Variants in GPR183 observed in about 807,000 individuals in gnomAD.
The protein encoded by GPR183 is EBV-induced G-protein coupled receptor 2.
In GPR183, 9 loss-of-function variants were observed where a neutral mutation model predicts 19.7. The ratio of observed to expected loss-of-function variants is 0.46; its 90% confidence interval spans 0.28 to 0.80. The LOEUF is 0.80. Ranked by LOEUF, GPR183 falls within the 30% of genes least tolerant of loss-of-function variation. The pLI is 0.13. For synonymous variants in GPR183, 160 were observed against 155.1 expected, an observed-to-expected ratio of 1.03 and a Z score of -0.24; for missense variants, 368 against 446.7, an observed-to-expected ratio of 0.82 and a Z score of 1.59.
chr13:99,305,143 CTAGAA>C (rs2044313818), intron 1 of GPR183, among the ~76,000 whole-genome samples: 1 of 152,162 alleles, frequency 6.6e-6, no homozygotes, highest in Non-Finnish European at 1.5e-5. Flanking sequence ...TGGTGAATAT[CTAGAA>C]TAGGCTTTTA....
intron 1 of GPR183, among the ~76,000 whole-genome samples, chr13:99,302,063 A>G (rs563961913): frequency 6.6e-6 from 1 of 152,346 alleles, no homozygotes; most frequent in East Asian, 1.9e-4. Context: ...AGTCTTCTCT[A>G]GAGTCAGCTT....
At chr13:99,299,462 G>GCGCA (rs1555327776) in intron 1 of GPR183, among the ~76,000 whole-genome samples, 1 of 150,746 alleles carries the variant, frequency 6.6e-6, no homozygotes. Context: ...ACACACACAC[G>GCGCA]CACACACACA....
At chr13:99,296,285 A>C in intron 1 of GPR183, 122 bp from the exon 2 acceptor site, 1 of 670,792 alleles carries the variant, frequency 1.5e-6, no homozygotes, top group Non-Finnish European at 2.2e-6. Flanking sequence ...TTATATATCT[A>C]AGTTTTAAAA....
Position 99,295,671 on chromosome 13 carries a change from C to T in GPR183, c.475G>A (p.Val159Ile). The T allele has an allele frequency of 6.2e-7, 1 of 1,614,164 alleles. No homozygotes were observed. The highest frequency in any genetic ancestry group is 8.5e-7 in the Non-Finnish European group (1 of 1,180,034). ...AGGAGTGGGAGTGTCTGAGCAAATA[C>T]TAGAATCCAGACAAATATGCACACG... ...KGVCIFVWILVFAQTLPLLIN... is the reference protein window; with the variant it reads ...KGVCIFVWILIFAQTLPLLIN... Residue 159 changes from valine (V) to isoleucine (I), a missense_variant, in exon 2 of 2, where the codon GTA becomes ATA. Val to Ile is a conservative substitution (Grantham distance 29). Transcript: ENST00000376414. This position sits in a 1 kb window ranked among gnomAD's most constrained non-coding sequence, Gnocchi z 4.1.
At chr13:99,302,254 G>A (rs2044267424) in intron 1 of GPR183, among the ~76,000 whole-genome samples, 1 of 152,228 alleles carries the variant, frequency 6.6e-6, no homozygotes, top group Non-Finnish European at 1.5e-5. Context: ...TGGCTACTTT[G>A]AGGAAAGGTT....
At chr13:99,306,846 A>G (rs1260059515) in intron 1 of GPR183, among the ~76,000 whole-genome samples, 1 of 152,166 alleles carries the variant, frequency 6.6e-6, no homozygotes, top group Non-Finnish European at 1.5e-5. Flanking sequence ...TGTAGACCAA[A>G]AAGTACCGTT....
chr13:99,298,359 GA>G (rs1478739856), intron 1 of GPR183, among the ~76,000 whole-genome samples: 2 of 152,074 alleles, frequency 1.3e-5, no homozygotes, highest in Non-Finnish European at 2.9e-5. Context: ...AAAGATAAAG[GA>G]TAAGTTTGGA....
rs766105400 is a variant in GPR183, at chr13:99,295,293, A to C, written c.853T>G (p.Ser285Ala). The stretch of plus-strand genomic sequence containing the variant: ...GTAAAGTGCAGAGAAATCTGGAACG[A>C]ATGTCTTTGGCTACATTCCAGGAAA... Reference protein sequence around the residue: ...SNFLECSQRHSFQISLHFTVC... With the variant: ...SNFLECSQRHAFQISLHFTVC... Residue 285 changes from serine to alanine, a missense_variant, in exon 2 of 2, where the codon TCG becomes GCG. Coordinates refer to ENST00000376414, the MANE Select transcript of GPR183 (RefSeq NM_004951.5). This position sits in a 1 kb window ranked among gnomAD's most constrained non-coding sequence, Gnocchi z 4.1. 7.4e-6 allele frequency: 12 copies of C among 1,614,076 alleles called. No individual in the cohort carries two copies. Among genetic ancestry groups the C allele is most frequent in the African/African-American group, 2.7e-5 (2 of 74,946 alleles).
chr13:99,296,256 A>G, intron 1 of GPR183, 93 bp from the exon 2 acceptor site: 1 of 1,028,222 alleles, frequency 9.7e-7, no homozygotes. Context: ...TAATGTATCA[A>G]AGCAATCCAA....
At position 99,295,172 on chromosome 13, in the gene GPR183, C is replaced by T. The variant is rs1566489287; in HGVS notation, c.974G>A (p.Arg325Gln). ...ACTAGAAATCGATACACTGACTTGC[C>T]GTTTCAGCATCCTCATAACCTTTCT... ...YKRKVMRMLK[R>Q]QVSVSISSAV... is the part of the protein sequence containing the mutation. Residue 325 changes from arginine to glutamine, a missense_variant, in exon 2 of 2, where the codon CGG becomes CAG. Transcript: ENST00000376414. This position sits in a 1 kb window ranked among gnomAD's most constrained non-coding sequence, Gnocchi z 4.1. 2.5e-6 allele frequency: 4 copies of T among 1,614,110 alleles called. No homozygotes were observed. Among genetic ancestry groups the T allele is most frequent in the East Asian group, 2.2e-5 (1 of 44,868 alleles).
At position 99,295,850 on chromosome 13, in the gene GPR183, A is replaced by T. The variant is rs1444915938; in HGVS notation, c.296T>A (p.Ile99Asn). The T allele has an allele frequency of 1.2e-6, 2 of 1,606,044 alleles. No homozygotes were observed. Among genetic ancestry groups the T allele is most frequent in the Non-Finnish European group, 8.5e-7 (1 of 1,174,696 alleles). ...AGTTATCCTACACAAGGCATCTCCG[A>T]TTCTCCAGTCAAAGCCCATTGCATA... ...AYYAMGFDWR[I>N]GDALCRITAL... Residue 99 changes from isoleucine (I) to asparagine (N), a missense_variant, in exon 2 of 2, where the codon ATC becomes AAC. Coordinates refer to ENST00000376414, the MANE Select transcript of GPR183 (RefSeq NM_004951.5). This position sits in a 1 kb window ranked among gnomAD's most constrained non-coding sequence, Gnocchi z 4.1.
In GPR183 at chr13:99,295,145, G is replaced by C; in HGVS notation, c.1001C>G (p.Ala334Gly). Reference sequence around the variant, plus strand: ...ATTTTCTTCAGGGGCTGACTTCACAGCACTAGAAATCGATACACTGACTTG... The same window carrying C: ...ATTTTCTTCAGGGGCTGACTTCACACCACTAGAAATCGATACACTGACTTG... ...KRQVSVSISS[A>G]VKSAPEENSR... Residue 334 changes from alanine (A) to glycine (G), a missense_variant, in exon 2 of 2, where the codon GCT becomes GGT. Coordinates refer to ENST00000376414, the MANE Select transcript of GPR183 (RefSeq NM_004951.5). This position sits in a 1 kb window ranked among gnomAD's most constrained non-coding sequence, Gnocchi z 4.1. The C allele has an allele frequency of 6.2e-7, 1 of 1,614,082 alleles. No homozygotes were observed.
At position 99,307,373 on chromosome 13, in the gene GPR183, G is replaced by A. The variant is rs1412174691; in HGVS notation, c.-52C>T. ...GACTCGTTCGGGTCTCTGTGTAGTAGCTGTGAGTAGTTGTCCAAACTGAAG... is the reference window on the plus strand; with the variant it reads ...GACTCGTTCGGGTCTCTGTGTAGTAACTGTGAGTAGTTGTCCAAACTGAAG... On this transcript the variant is annotated 5_prime_UTR_variant, in exon 1 of 2. Transcript: ENST00000376414. The A allele has an allele frequency of 6.6e-6, 1 of 152,092 alleles. No homozygotes were observed. Among genetic ancestry groups the A allele is most frequent in the Non-Finnish European group, 1.5e-5 (1 of 68,024 alleles). The allele number at this position is 152,092 out of a possible 1,614,324, so 9.4% of individuals were successfully genotyped here.
intron 1 of GPR183, among the ~76,000 whole-genome samples, chr13:99,296,766 AGAC>A (rs957316239): frequency 2.6e-5 from 4 of 152,332 alleles, no homozygotes; most frequent in Middle Eastern, 6.8e-3. Flanking sequence ...AAAAAGAAGA[AGAC>A]GACGACCGCA....
At chr13:99,305,750 G>A (rs184989577) in intron 1 of GPR183, among the ~76,000 whole-genome samples, 135 of 152,260 alleles carry the variant, frequency 8.9e-4, no homozygotes, top group African/African-American at 3.1e-3. Flanking sequence ...AACATTTTGT[G>A]GAGTAGCATA....
rs753616430 is a variant in GPR183 at position 99,295,438 on chromosome 13, A to G, written c.708T>C (p.Ser236=). The G allele has an allele frequency of 6.2e-7, 1 of 1,614,150 alleles. No homozygotes were observed. The highest frequency in any genetic ancestry group is 8.5e-7 in the Non-Finnish European group (1 of 1,180,024). Residue 236 remains serine (S), a synonymous_variant, in exon 2 of 2, where the codon TCT becomes TCC. Transcript: ENST00000376414. This position sits in a 1 kb window ranked among gnomAD's most constrained non-coding sequence, Gnocchi z 4.1. ...TGTTGAGAGCCTTTTTGTTTACACC[A>G]GATTTCTCAGTGAGTGGGTTTTGTT... ...TAKQNPLTEK[S]GVNKKALNTI... is the part of the protein sequence containing the mutation.
At chr13:99,296,613 A>G (rs1220720675) in intron 1 of GPR183, among the ~76,000 whole-genome samples, 1 of 152,170 alleles carries the variant, frequency 6.6e-6, no homozygotes, top group African/African-American at 2.4e-5. Context: ...AACCAAATGC[A>G]TATCACTGCC....
intron 1 of GPR183, among the ~76,000 whole-genome samples, chr13:99,301,134 A>G (rs2044251081): frequency 6.6e-6 from 1 of 152,248 alleles, no homozygotes; most frequent in Non-Finnish European, 1.5e-5. Context: ...TCTAATGAAA[A>G]GATGCACGTG....
rs2044169468 is a variant in GPR183, at chr13:99,296,166, A to C, written c.-18-3T>G. On this transcript the variant is annotated splice_region_variant and splice_polypyrimidine_tract_variant and intron_variant, in intron 1 of 1. Transcript: ENST00000376414. ...TCCATTGGTGGTGGTCCAGGTGTCTAGAAAAAAACCAAGAAGGATCATATA... is the reference window on the plus strand; with the variant it reads ...TCCATTGGTGGTGGTCCAGGTGTCTCGAAAAAAACCAAGAAGGATCATATA... The C allele has an allele frequency of 1.3e-6, 2 of 1,545,876 alleles. No individual in the cohort carries two copies. Among genetic ancestry groups the C allele is most frequent in the Non-Finnish European group, 1.7e-6 (2 of 1,148,172 alleles).
Sources: allele counts gnomAD v4.1 joint callset (sites outside exome capture counted in the v4.1 genomes callset), GRCh38; gene constraint gnomAD v4.1.1; non-coding constraint Gnocchi (gnomAD v3.1); transcripts MANE v1.5; gene names NCBI Gene and HGNC (gene_info 2026-07-23, HGNC 2026-07-21).